The following KIF26B variants were observed in gnomAD, a reference collection of about 807,000 sequenced individuals.
KIF26B encodes the protein kinesin family member 26B, also known as kinesin-like protein KIF26B.
KIF26B carries 63 observed loss-of-function variants against 151.2 expected under a neutral mutation model. The ratio of observed to expected loss-of-function variants is 0.42; its 90% CI spans 0.34 to 0.51. The LOEUF (loss-of-function observed/expected upper bound fraction) is 0.51, where lower values mean the gene tolerates loss of function less well. Among genes scored for constraint, KIF26B ranks in the 20% least tolerant of loss-of-function variants. The pLI, the probability that KIF26B is intolerant of heterozygous loss-of-function variation, is 0.07. For missense variants in KIF26B, 2,813 were observed against 2,913.6 expected (o/e 0.97, Z 0.79); for synonymous variants, 1,357 against 1,262.1 (o/e 1.08, Z -1.59).
rs115112801 is a variant in KIF26B, at chr1:245,267,780, C to T, written c.466-99054C>T. 3.2e-3 allele frequency among the ~76,000 whole-genome samples: 490 copies of T among 152,114 alleles called. 3 individuals are homozygous for T. Among genetic ancestry groups the T allele is most frequent in the African/African-American group, 0.011 (454 of 41,482 alleles). ...TGAGGAATTCTTAAATTGAGGCTTA[C>T]GAGTGAGAATATATAATGTGTCTCC... On this transcript the variant is annotated intron_variant, in intron 2 of 14. Transcript: ENST00000407071.
chr1:245,179,811 C>T (rs1021964246), intron 2 of KIF26B, among the ~76,000 whole-genome samples: 4 of 152,156 alleles, frequency 2.6e-5, no homozygotes, highest in Non-Finnish European at 4.4e-5. Context: ...ATCTGAGCCA[C>T]GAGGACAAGC....
intron 3 of KIF26B, among the ~76,000 whole-genome samples, chr1:245,412,190 T>C (rs1309940487): frequency 6.6e-6 from 1 of 152,216 alleles, no homozygotes; most frequent in East Asian, 1.9e-4. Flanking sequence ...ATCAGAAATA[T>C]TTATCAAGCA....
intron 5 of KIF26B, among the ~76,000 whole-genome samples, chr1:245,583,696 G>C (rs1434603415): frequency 1.3e-5 from 2 of 152,122 alleles, no homozygotes; most frequent in African/African-American, 4.8e-5. Context: ...TACACGAATG[G>C]GCTTCAGGGC....
intron 4 of KIF26B, among the ~76,000 whole-genome samples, chr1:245,437,263 C>T (rs1193302225): frequency 6.6e-6 from 1 of 152,194 alleles, no homozygotes; most frequent in Non-Finnish European, 1.5e-5. Flanking sequence ...CACCCATTCT[C>T]TCTCTCTGCC....
chr1:245,178,608 C>T (rs1668849908), intron 2 of KIF26B, among the ~76,000 whole-genome samples: 1 of 152,210 alleles, frequency 6.6e-6, no homozygotes, highest in Admixed American at 6.5e-5. Flanking sequence ...ACTCCAAATG[C>T]ATTAAGCAAT....
intron 10 of KIF26B, among the ~76,000 whole-genome samples, chr1:245,648,441 C>A (rs2043977114): frequency 6.6e-6 from 1 of 151,828 alleles, no homozygotes; most frequent in Non-Finnish European, 1.5e-5. Context: ...TTGAGACCAG[C>A]CTGGGCAGCA....
At chr1:245,470,933 A>G (rs1389706394) in intron 4 of KIF26B, among the ~76,000 whole-genome samples, 1 of 152,120 alleles carries the variant, frequency 6.6e-6, no homozygotes, top group East Asian at 1.9e-4. Context: ...TATATAGTAT[A>G]TATTTTACTT....
intron 9 of KIF26B, among the ~76,000 whole-genome samples, chr1:245,635,833 C>G (rs1310632271): frequency 6.6e-6 from 1 of 151,896 alleles, no homozygotes; most frequent in Non-Finnish European, 1.5e-5. Context: ...ATTTTCATTT[C>G]TATTCACTTA....
At chr1:245,257,585 C>A (rs1435226934) in intron 2 of KIF26B, among the ~76,000 whole-genome samples, 2 of 152,166 alleles carry the variant, frequency 1.3e-5, no homozygotes, top group South Asian at 2.1e-4. Flanking sequence ...CAGGGCCCGT[C>A]GTGTGAAAAG....
intron 2 of KIF26B, among the ~76,000 whole-genome samples, chr1:245,236,936 A>G (rs1391853003): frequency 6.6e-6 from 1 of 152,232 alleles, no homozygotes; most frequent in Non-Finnish European, 1.5e-5. Flanking sequence ...AGATGGAAAC[A>G]TAAGGCACAG....
At chr1:245,371,500 G>T (rs1301046621) in intron 3 of KIF26B, 2 of 152,146 alleles carry the variant, frequency 1.3e-5, no homozygotes, top group Non-Finnish European at 2.9e-5. Context: ...CAAGGGTGCG[G>T]CTCCACACCC....
At chr1:245,484,829 A>G (rs927960794) in intron 4 of KIF26B, among the ~76,000 whole-genome samples, 52 of 151,068 alleles carry the variant, frequency 3.4e-4, no homozygotes, top group Non-Finnish European at 6.8e-4. Context: ...CTCCCAAGAG[A>G]GTCGATTTGT....
chr1:245,425,650 C>T (rs1658629193), intron 4 of KIF26B, among the ~76,000 whole-genome samples: 1 of 152,210 alleles, frequency 6.6e-6, no homozygotes. Flanking sequence ...CATGATCCTC[C>T]CGCCTCCGCC....
intron 11 of KIF26B, 142 bp downstream of exon 11, chr1:245,684,537 C>T (rs1228033803): frequency 2.2e-6 from 2 of 893,626 alleles, no homozygotes; most frequent in Non-Finnish European, 3.3e-6. Context: ...ACACGTGGCT[C>T]AGGGTCCACT....
intron 3 of KIF26B, among the ~76,000 whole-genome samples, chr1:245,384,446 C>T (rs991280806): frequency 6.6e-6 from 1 of 152,154 alleles, no homozygotes; most frequent in African/African-American, 2.4e-5. Flanking sequence ...TTCATCAAGA[C>T]AGGATCTCTT....
intron 4 of KIF26B, among the ~76,000 whole-genome samples, chr1:245,509,204 A>G (rs1283143073): frequency 6.6e-6 from 1 of 152,240 alleles, no homozygotes; most frequent in African/African-American, 2.4e-5. Flanking sequence ...AGAATGAGAA[A>G]GAGAGAAACC....
At chr1:245,684,562 C>A (rs2044485002) in intron 11 of KIF26B, among the ~76,000 whole-genome samples, 167 bp downstream of exon 11, 1 of 152,134 alleles carries the variant, frequency 6.6e-6, no homozygotes, top group Non-Finnish European at 1.5e-5. Flanking sequence ...GGCAGGGAAA[C>A]CTTGGGGCTG....
intron 3 of KIF26B, among the ~76,000 whole-genome samples, chr1:245,417,187 A>G (rs1674441639): frequency 6.6e-6 from 1 of 152,118 alleles, no homozygotes; most frequent in African/African-American, 2.4e-5. Flanking sequence ...TTTAGAAAAT[A>G]TTTTCTAAGA....
chr1:245,551,016 G>T (rs550510300), intron 5 of KIF26B, among the ~76,000 whole-genome samples: 1 of 152,236 alleles, frequency 6.6e-6, no homozygotes, highest in East Asian at 1.9e-4. Flanking sequence ...TTTTTGTCCC[G>T]TCATCATGCA....
Sources: allele counts gnomAD v4.1 joint callset (sites outside exome capture counted in the v4.1 genomes callset), GRCh38; gene constraint gnomAD v4.1.1; transcripts MANE v1.5; gene names NCBI Gene and HGNC (gene_info 2026-07-23, HGNC 2026-07-21).